Variants in LAMA4 observed in about 807,000 individuals in gnomAD.
LAMA4 encodes the protein laminin subunit alpha 4, also known as laminin subunit alpha-4.
A neutral mutation model predicts 207.1 loss-of-function variants in LAMA4; 127 were observed. The observed-to-expected ratio is 0.61, with a 90% CI of 0.53 to 0.71. The LOEUF is 0.71. LAMA4 is among the 30% of genes least tolerant of loss of function. The probability of loss-of-function intolerance (pLI) is 0.00; values close to 1 mark genes in which losing one functional copy is unlikely to be tolerated. For missense variants in LAMA4, 2,093 were observed against 2,246.5 expected (o/e 0.93, Z 1.38); for synonymous variants, 761 against 816.0 (o/e 0.93, Z 1.15).
intron 38 of LAMA4, among the ~76,000 whole-genome samples, chr6:112,113,818 T>G (rs781879931): frequency 3.3e-5 from 5 of 152,182 alleles, no homozygotes; most frequent in Non-Finnish European, 5.9e-5. Context: ...TGTGTATGTG[T>G]GTGGCGGGCA....
chr6:112,121,729 TTTGAAAC>T, intron 32 of LAMA4: 1 of 380,474 alleles, frequency 2.6e-6, no homozygotes, highest in East Asian at 6.1e-5. Context: ...TGATGAGTCA[TTTGAAAC>T]TTGCTCCATC....
chr6:112,159,368 C>G (rs1780919892), intron 13 of LAMA4: 1 of 166,944 alleles, frequency 6.0e-6, no homozygotes, highest in South Asian at 1.5e-4. Flanking sequence ...GGACATCATT[C>G]AGTTTTCATC....
At chr6:112,200,301 T>C (rs1328805066) in intron 5 of LAMA4, 5 of 387,188 alleles carry the variant, frequency 1.3e-5, no homozygotes, top group Non-Finnish European at 2.6e-5. Context: ...TCACTGGTCA[T>C]TAGAGAAATG....
intron 2 of LAMA4, among the ~76,000 whole-genome samples, chr6:112,223,262 G>A (rs905799800): frequency 1.3e-5 from 2 of 152,108 alleles, no homozygotes; most frequent in Non-Finnish European, 2.9e-5. Context: ...TCCAAGAAAG[G>A]AAGAGATGCG....
At position 112,144,667 on chromosome 6, in the gene LAMA4, G is replaced by T. The variant is rs782274261; in HGVS notation, c.2493+127C>A. 6.2e-4 allele frequency: 687 copies of T among 1,100,440 alleles called. 3 individuals are homozygous for T. Among genetic ancestry groups the T allele is most frequent in the Non-Finnish European group, 8.4e-4 (612 of 727,926 alleles). The allele number at this position is 1,100,440 out of a possible 1,614,324, so 68.2% of individuals were successfully genotyped here. A position where few individuals can be genotyped will look rare whatever the true frequency, so the allele number is the denominator to read the frequency against. On this transcript the variant is annotated intron_variant, in intron 19 of 38. Coordinates refer to ENST00000230538, the MANE Select transcript of LAMA4 (RefSeq NM_001105206.3). The stretch of plus-strand genomic sequence containing the variant: ...TCACGTGTTTCTAATTAGCAAATGG[G>T]GCTGAGAACTACTGAGTTGGAGAAT...
At chr6:112,126,396 C>T (rs114039978) in intron 31 of LAMA4, among the ~76,000 whole-genome samples, 1,599 of 152,228 alleles carry the variant, frequency 0.011, 25 homozygotes, top group African/African-American at 0.034. Context: ...TTATAGTATA[C>T]TCTGAAAACT....
At chr6:112,174,822 A>G (rs1781928578) in intron 11 of LAMA4, among the ~76,000 whole-genome samples, 1 of 152,198 alleles carries the variant, frequency 6.6e-6, no homozygotes, top group African/African-American at 2.4e-5. Flanking sequence ...TTGATAACTG[A>G]TACAGTGATC....
intron 8 of LAMA4, among the ~76,000 whole-genome samples, chr6:112,185,720 G>A (rs1782646712): frequency 6.6e-6 from 1 of 152,208 alleles, no homozygotes; most frequent in Non-Finnish European, 1.5e-5. Context: ...CAACCCATCA[G>A]TATTGATGTA....
At chr6:112,173,827 C>T (rs938618240) in intron 11 of LAMA4, among the ~76,000 whole-genome samples, 1 of 152,098 alleles carries the variant, frequency 6.6e-6, no homozygotes, top group South Asian at 2.1e-4. Flanking sequence ...GTCATTAGTC[C>T]CTTTGTAATC....
intron 18 of LAMA4, among the ~76,000 whole-genome samples, 186 bp downstream of exon 18, chr6:112,147,971 T>C (rs1200301483): frequency 1.3e-5 from 2 of 152,244 alleles, no homozygotes; most frequent in Non-Finnish European, 1.5e-5. Context: ...GTTTCTCATA[T>C]GTATTTAGAC....
intron 7 of LAMA4, among the ~76,000 whole-genome samples, chr6:112,188,217 G>T (rs73540607): frequency 0.031 from 4,779 of 152,338 alleles, 244 homozygotes; most frequent in African/African-American, 0.11. Flanking sequence ...GATAAAGGGA[G>T]ACTGGCGTGT....
chr6:112,198,384 T>C (rs912731201), intron 5 of LAMA4, among the ~76,000 whole-genome samples: 1 of 152,174 alleles, frequency 6.6e-6, no homozygotes, highest in African/African-American at 2.4e-5. Context: ...CAGTTGCATA[T>C]TTAGAAAAGC....
chr6:112,200,645 A>G (rs1292328720), intron 5 of LAMA4, among the ~76,000 whole-genome samples: 4 of 152,256 alleles, frequency 2.6e-5, no homozygotes, highest in Admixed American at 2.6e-4. Context: ...ATGCCCATCA[A>G]TGATAGACTG....
chr6:112,217,465 A>G (rs2115064520), intron 2 of LAMA4, among the ~76,000 whole-genome samples: 1 of 152,090 alleles, frequency 6.6e-6, no homozygotes. Context: ...CACATCATAC[A>G]CCCCCATTGA....
Position 112,124,425 on chromosome 6 carries a change from A to G in LAMA4, c.4288-2224T>C, listed in dbSNP as rs147574548. Reference sequence around the variant, plus strand: ...TCAATAAACTCGGGTGTCTTTATATATGGCAACCAAATATGCTAATTCTTC... The same window carrying G: ...TCAATAAACTCGGGTGTCTTTATATGTGGCAACCAAATATGCTAATTCTTC... On this transcript the variant is annotated intron_variant, in intron 31 of 38. Coordinates refer to ENST00000230538, the MANE Select transcript of LAMA4 (RefSeq NM_001105206.3). Among the ~76,000 whole-genome samples the G allele has an allele frequency of 9.8e-4, 150 of 152,362 alleles. 1 individual carries two copies. Among genetic ancestry groups the G allele is most frequent in the Non-Finnish European group, 1.7e-3 (113 of 68,032 alleles).
intron 11 of LAMA4, 22 bp downstream of exon 11, chr6:112,175,291 G>A (rs781801220): frequency 1.9e-6 from 3 of 1,612,572 alleles, no homozygotes; most frequent in Non-Finnish European, 2.5e-6. Context: ...TGCTGGGTCA[G>A]CTATGAGAGG....
At chr6:112,133,563 C>T (rs1334658206) in intron 26 of LAMA4, 76 bp from the exon 27 acceptor site, 1 of 1,546,826 alleles carries the variant, frequency 6.5e-7, no homozygotes, top group African/African-American at 1.4e-5. Context: ...ATGGAATTTG[C>T]ATTTATTTAT....
At chr6:112,163,169 G>GT (rs1781171562) in intron 13 of LAMA4, among the ~76,000 whole-genome samples, 1 of 151,042 alleles carries the variant, frequency 6.6e-6, no homozygotes, top group Admixed American at 6.6e-5. Flanking sequence ...TTGTAGAGAG[G>GT]GGGTCTCACT....
chr6:112,141,648 A>C (rs1425769472), intron 20 of LAMA4, 145 bp from the exon 21 acceptor site: 1 of 694,402 alleles, frequency 1.4e-6, no homozygotes, highest in Non-Finnish European at 2.5e-6. Context: ...TCCTGTGAGC[A>C]GGCAGTGTCT....
Sources: allele counts gnomAD v4.1 joint callset (sites outside exome capture counted in the v4.1 genomes callset), GRCh38; gene constraint gnomAD v4.1.1; transcripts MANE v1.5; gene names NCBI Gene and HGNC (gene_info 2026-07-23, HGNC 2026-07-21).